The following PPARA variants were observed in gnomAD, a reference collection of about 807,000 sequenced individuals.
The protein encoded by PPARA is peroxisome proliferator activated receptor alpha, also known as peroxisome proliferator-activated receptor alpha.
A neutral mutation model predicts 42.2 loss-of-function variants in PPARA; 22 were observed. The observed-to-expected ratio is 0.52, with a 90% CI of 0.37 to 0.74. PPARA has a LOEUF of 0.74. PPARA is among the 30% of genes least tolerant of loss of function. The pLI, the probability that PPARA is intolerant of heterozygous loss-of-function variation, is 0.00. For missense variants in PPARA, 465 were observed against 608.2 expected (o/e 0.76, Z 2.48); for synonymous variants, 242 against 239.3 (o/e 1.01, Z -0.10).
rs903202628 is a variant in PPARA, at chr22:46,200,516, G to T, written c.208+1925G>T. Among the ~76,000 whole-genome samples, 6 of 152,272 alleles carry T rather than the reference G, an allele frequency of 3.9e-5. No individual in the cohort carries two copies. Among genetic ancestry groups the T allele is most frequent in the Non-Finnish European group, 8.8e-5 (6 of 68,042 alleles). On this transcript the variant is annotated intron_variant, in intron 4 of 8. Transcript: ENST00000407236. This position sits in a 1 kb window ranked among gnomAD's most constrained non-coding sequence, Gnocchi z 4.8. ...TAGAAAAGGTTACAGCAAAAATACA[G>T]TATTATCATCTTATGGGACCATGAT...
Position 46,232,078 on chromosome 22 carries a change from C to A in PPARA, c.998C>A (p.Ala333Glu). 6.2e-7 allele frequency: 1 copy of A among 1,614,118 alleles called. No homozygotes were observed. The highest frequency in any genetic ancestry group is 1.1e-5 in the South Asian group (1 of 91,064). ...SVMNKDGMLV[A>E]YGNGFITREF... ...ATGAACAAAGACGGGATGCTGGTAG[C>A]GTATGGAAATGGGTTTATAACTCGT... is the stretch of plus-strand genomic sequence containing the variant. Residue 333 changes from alanine (A) to glutamate (E), a missense_variant, in exon 8 of 9, where the codon GCG becomes GAG. By Grantham distance (107) the Ala-to-Glu change is moderately radical. This residue lies in a region of PPARA where 313 missense variants were observed against 469.1 expected (regional missense o/e 0.67). Transcript: ENST00000407236. This position sits in a 1 kb window ranked among gnomAD's most constrained non-coding sequence, Gnocchi z 5.3.
At chr22:46,223,763 A>G (rs1935182572) in intron 7 of PPARA, among the ~76,000 whole-genome samples, 1 of 152,004 alleles carries the variant, frequency 6.6e-6, no homozygotes, top group Admixed American at 6.6e-5. Flanking sequence ...CAGCCTGGGC[A>G]ACATGGTAAA....
At chr22:46,229,956 A>G (rs1468169883) in intron 7 of PPARA, among the ~76,000 whole-genome samples, 1 of 152,208 alleles carries the variant, frequency 6.6e-6, no homozygotes, top group Non-Finnish European at 1.5e-5. Flanking sequence ...GAAACAGGAA[A>G]CACTTCAGGC....
In PPARA at chr22:46,237,792, G is replaced by C. The variant is rs1403661006; in HGVS notation, c.*2412G>C. The stretch of plus-strand genomic sequence containing the variant: ...CTAGCCTTTGAGTGTCTGTCATGGT[G>C]CATCCGTTTCAGTATTATTTCCTAA... On this transcript the variant is annotated 3_prime_UTR_variant, in exon 9 of 9. Coordinates refer to ENST00000407236, the MANE Select transcript of PPARA (RefSeq NM_005036.6). This position sits in a 1 kb window ranked among gnomAD's most constrained non-coding sequence, Gnocchi z 6.7. 6.6e-6 allele frequency: 1 copy of C among 152,198 alleles called. No individual in the cohort carries two copies. The highest frequency in any genetic ancestry group is 2.4e-5 in the African/African-American group (1 of 41,450). 9.4% of individuals were successfully genotyped at this position (152,198 alleles called of 1,614,324 possible).
rs1050936730 is a variant in PPARA, at chr22:46,167,481, G to A, written c.-126-9272G>A. Among the ~76,000 whole-genome samples, 17 of 151,770 alleles carry A rather than the reference G, an allele frequency of 1.1e-4. No individual in the cohort carries two copies. The highest frequency in any genetic ancestry group is 3.4e-3 in the Middle Eastern group (1 of 294). ...ATCCTGGGCAACATAGCGAAACACC[G>A]TCTCTACAAAAAAATGAAAAAATTA... is the stretch of plus-strand genomic sequence containing the variant. On this transcript the variant is annotated intron_variant, in intron 2 of 8. Transcript: ENST00000407236. This position sits in a 1 kb window ranked among gnomAD's most constrained non-coding sequence, Gnocchi z 4.1.
At position 46,161,270 on chromosome 22, in the gene PPARA, G is replaced by A. The variant is rs529445351; in HGVS notation, c.-127+9300G>A. Among the ~76,000 whole-genome samples the A allele has an allele frequency of 1.8e-4, 28 of 152,316 alleles. No homozygotes were observed. Among genetic ancestry groups the A allele is most frequent in the African/African-American group, 6.5e-4 (27 of 41,580 alleles). ...TTTCTAGAAGGAATTTCAGAAGGAT[G>A]TGTGCCCAATTATGGTATCAGGTCT... On this transcript the variant is annotated intron_variant, in intron 2 of 8. Coordinates refer to ENST00000407236, the MANE Select transcript of PPARA (RefSeq NM_005036.6). This position sits in a 1 kb window ranked among gnomAD's most constrained non-coding sequence, Gnocchi z 4.8.
At chr22:46,186,027 G>T (rs1251288333) in intron 3 of PPARA, among the ~76,000 whole-genome samples, 2 of 131,312 alleles carry the variant, frequency 1.5e-5, no homozygotes, top group African/African-American at 5.6e-5. Context: ...CTACTTGGTT[G>T]GTTCCTCTTG....
In PPARA at chr22:46,239,445, C is replaced by T. The variant is rs1158007194; in HGVS notation, c.*4065C>T. The T allele has an allele frequency of 6.6e-6, 1 of 150,560 alleles. No homozygotes were observed. Among genetic ancestry groups the T allele is most frequent in the African/African-American group, 2.5e-5 (1 of 40,764 alleles). 9.3% of individuals were successfully genotyped at this position (150,560 alleles called of 1,614,324 possible). A position where few individuals can be genotyped will look rare whatever the true frequency, so the allele number is the denominator to read the frequency against. On this transcript the variant is annotated 3_prime_UTR_variant, in exon 9 of 9. Coordinates refer to ENST00000407236, the MANE Select transcript of PPARA (RefSeq NM_005036.6). ...GTAGTTAGGGCAGGTGGGATGGAGA[C>T]TCCTTGAGTGCACACACCTGAGCCT...
In PPARA at chr22:46,218,310, C is replaced by T. The variant is rs147652884; in HGVS notation, c.417C>T (p.Cys139=). The T allele has an allele frequency of 8.1e-6, 13 of 1,613,880 alleles. No individual in the cohort carries two copies. Among genetic ancestry groups the T allele is most frequent in the African/African-American group, 5.3e-5 (4 of 74,874 alleles). Residue 139 remains cysteine, a synonymous_variant, in exon 6 of 9, where the codon TGC becomes TGT. Transcript: ENST00000407236. ...GACTCAAGCTGGTGTATGACAAGTG[C>T]GACCGCAGCTGCAAGATCCAGAAAA... is the stretch of plus-strand genomic sequence containing the variant. The part of the protein sequence containing the change: ...TIRLKLVYDK[C]DRSCKIQKKN...
Position 46,167,315 on chromosome 22 carries a change from T to C in PPARA, c.-126-9438T>C, listed in dbSNP as rs1601621674. Reference sequence around the variant, plus strand: ...TAATATATATTATATGATACTGTTATGTCATATAATTATTATTGAAATGGG... The same window carrying C: ...TAATATATATTATATGATACTGTTACGTCATATAATTATTATTGAAATGGG... On this transcript the variant is annotated intron_variant, in intron 2 of 8. Transcript: ENST00000407236. The surrounding 1 kb of genome is among the most constrained non-coding windows in gnomAD (Gnocchi z 4.1). Among the ~76,000 whole-genome samples, 1 of 151,784 alleles carries C rather than the reference T, an allele frequency of 6.6e-6. No individual in the cohort carries two copies. The highest frequency in any genetic ancestry group is 1.9e-4 in the East Asian group (1 of 5,182).
Position 46,221,881 on chromosome 22 carries a change from C to T in PPARA, c.711+1867C>T, listed in dbSNP as rs139763384. The stretch of plus-strand genomic sequence containing the variant: ...ACTTGAGGTCAGGAGTTTGAGACCA[C>T]CCTGGCCAACATGGTGAAACCCCAT... On this transcript the variant is annotated intron_variant, in intron 7 of 8. Transcript: ENST00000407236. This position sits in a 1 kb window ranked among gnomAD's most constrained non-coding sequence, Gnocchi z 5.9. Among the ~76,000 whole-genome samples the T allele has an allele frequency of 1.0e-3, 159 of 151,538 alleles. 3 individuals carry two copies. The East Asian group carries it at 0.029, about 27-fold the overall frequency.
chr22:46,190,043 T>TA lies in PPARA; in HGVS notation c.-42-8298dup, dbSNP rs1171069299. 6.6e-6 allele frequency among the ~76,000 whole-genome samples: 1 copy of TA among 152,202 alleles called. No homozygotes were observed. The highest frequency in any genetic ancestry group is 1.5e-5 in the Non-Finnish European group (1 of 68,042). ...TCTGTGAACCGATGCTAGGTGAAGG[T>TA]ACAGAGGGCTTTCTAGCTTCTGGGT... On this transcript the variant is annotated intron_variant, in intron 3 of 8. Coordinates refer to ENST00000407236, the MANE Select transcript of PPARA (RefSeq NM_005036.6). This position sits in a 1 kb window ranked among gnomAD's most constrained non-coding sequence, Gnocchi z 5.6.
rs1266543041 is a variant in PPARA at position 46,204,905 on chromosome 22, T to C, written c.208+6314T>C. ...GTTTTTGAGATAGGGTCTCAATCTA[T>C]TGCCCAGGCTAGAGTGCAGTGGTGC... is the stretch of plus-strand genomic sequence containing the variant. On this transcript the variant is annotated intron_variant, in intron 4 of 8. Coordinates refer to ENST00000407236, the MANE Select transcript of PPARA (RefSeq NM_005036.6). The surrounding 1 kb of genome is among the most constrained non-coding windows in gnomAD (Gnocchi z 5.2). 1.3e-5 allele frequency among the ~76,000 whole-genome samples: 2 copies of C among 152,128 alleles called. No homozygotes were observed. Among genetic ancestry groups the C allele is most frequent in the Admixed American group, 1.3e-4 (2 of 15,262 alleles).
chr22:46,219,857 A>G lies in PPARA; in HGVS notation c.554A>G (p.Lys185Arg), dbSNP rs767603599. 3 of 1,614,070 alleles carry G rather than the reference A, an allele frequency of 1.9e-6. No homozygotes were observed. The highest frequency in any genetic ancestry group is 2.5e-6 in the Non-Finnish European group (3 of 1,180,042). ...CCAAGATCTGAGAAAGCAAAACTGA[A>G]AGCAGAAATTCTTACCTGTGAACAT... ...RMPRSEKAKL[K>R]AEILTCEHDI... Residue 185 changes from lysine (K) to arginine (R), a missense_variant, in exon 7 of 9, where the codon AAA becomes AGA. This residue lies in a region of PPARA where 313 missense variants were observed against 469.1 expected (regional missense o/e 0.67). Transcript: ENST00000407236. This position sits in a 1 kb window ranked among gnomAD's most constrained non-coding sequence, Gnocchi z 4.8.
chr22:46,199,871 C>T (rs368445246), intron 4 of PPARA, among the ~76,000 whole-genome samples: 7 of 152,028 alleles, frequency 4.6e-5, no homozygotes, highest in East Asian at 3.9e-4. Context: ...TACAGGCACC[C>T]GTCACCATGC....
chr22:46,210,309 CA>C (rs1189985964), intron 4 of PPARA, among the ~76,000 whole-genome samples: 24,089 of 85,916 alleles, frequency 0.28, 1,951 homozygotes, highest in Middle Eastern at 0.36. Flanking sequence ...AACTCCATCT[CA>C]AAAAAAAAAA....
At chr22:46,215,446 A>T (rs1934389647) in intron 5 of PPARA, 113 bp downstream of exon 5, 3 of 1,441,684 alleles carry the variant, frequency 2.1e-6, no homozygotes, top group South Asian at 2.4e-5. Flanking sequence ...CGGATAAGAA[A>T]CTGACTTCAG....
rs538200525 is a variant in PPARA, at chr22:46,193,924, G to A, written c.-42-4418G>A. On this transcript the variant is annotated intron_variant, in intron 3 of 8. Coordinates refer to ENST00000407236, the MANE Select transcript of PPARA (RefSeq NM_005036.6). This position sits in a 1 kb window ranked among gnomAD's most constrained non-coding sequence, Gnocchi z 5.3. ...CCAGAGCATTTGGGGCATAGGACACGGGAACTGGCCAGCCTGGTTCACTCT... is the reference window on the plus strand; with the variant it reads ...CCAGAGCATTTGGGGCATAGGACACAGGAACTGGCCAGCCTGGTTCACTCT... Among the ~76,000 whole-genome samples the A allele has an allele frequency of 1.3e-5, 2 of 152,338 alleles. No homozygotes were observed. The highest frequency in any genetic ancestry group is 1.9e-4 in the East Asian group (1 of 5,188).
intron 4 of PPARA, among the ~76,000 whole-genome samples, chr22:46,202,192 T>C (rs1434780578): frequency 2.0e-5 from 3 of 152,156 alleles, no homozygotes; most frequent in African/African-American, 7.2e-5. Context: ...GGACCCCTTA[T>C]TCTGTGCTCT....
Sources: allele counts gnomAD v4.1 joint callset (sites outside exome capture counted in the v4.1 genomes callset), GRCh38; gene constraint gnomAD v4.1.1; regional missense constraint gnomAD v4.1.1; non-coding constraint Gnocchi (gnomAD v3.1); transcripts MANE v1.5; gene names NCBI Gene and HGNC (gene_info 2026-07-23, HGNC 2026-07-21).